SCN1B: variants seen among roughly 807,000 people sequenced by gnomAD.
SCN1B encodes the protein sodium channel regulatory subunit beta-1.
Under a neutral mutation model 25.7 loss-of-function variants are expected in SCN1B, and 11 were observed. That is an observed-to-expected ratio of 0.43 (90% confidence interval 0.27 to 0.71). The LOEUF is 0.71. SCN1B is among the 30% of genes least tolerant of loss of function. The pLI is 0.21. For synonymous variants in SCN1B, 119 were observed against 117.5 expected (o/e 1.01, Z -0.08); for missense variants, 224 against 291.5 (o/e 0.77, Z 1.69).
chr19:35,030,866 TGCGCGGGGG>T lies in SCN1B; in HGVS notation c.40+12_40+20del. On this transcript the variant is annotated splice_region_variant and intron_variant, in intron 1 of 5. Transcript: ENST00000262631. ...AGTGGTCGGCGCGGCACTGGGTGAG[TGCGCGGGGG>T]GCGCGCGCGGCCGGGGGGCACCGCG... The T allele has an allele frequency of 1.3e-6, 1 of 775,486 alleles. No homozygotes were observed. The highest frequency in any genetic ancestry group is 1.6e-6 in the Non-Finnish European group (1 of 611,174). 48.0% of individuals were successfully genotyped at this position (775,486 alleles called of 1,614,324 possible).
chr19:35,036,228 G>C (rs2064247036), intron 3 of SCN1B: 1 of 151,478 alleles, frequency 6.6e-6, no homozygotes, highest in African/African-American at 2.4e-5. Flanking sequence ...CACCATGGCG[G>C]GTATTTTTAT....
At chr19:35,039,426 C>T in intron 4 of SCN1B, 168 bp downstream of exon 4, 2 of 1,054,302 alleles carry the variant, frequency 1.9e-6, no homozygotes, top group Non-Finnish European at 2.8e-6. Context: ...TAGGGGTCGT[C>T]AGACCCAGCC....
intron 1 of SCN1B, chr19:35,031,499 G>A (rs1042162934): frequency 1.3e-5 from 2 of 152,266 alleles, no homozygotes; most frequent in African/African-American, 4.8e-5. Context: ...CTTGCATGGA[G>A]TTTGAAAAGG....
rs946024438 is a variant in SCN1B, at chr19:35,034,072, C to T, written c.448+333C>T. 1.9e-5 allele frequency: 29 copies of T among 1,551,220 alleles called. No homozygotes were observed. Among genetic ancestry groups the T allele is most frequent in the Admixed American group, 7.8e-5 (4 of 50,980 alleles). On this transcript the variant is annotated intron_variant, in intron 3 of 5. Coordinates refer to ENST00000262631, the MANE Select transcript of SCN1B (RefSeq NM_001037.5). ...CCTGGGCTTGCCCGGGATAATAATCCGATGTGTTTCTCGGGGTGTGGTTTG... is the reference window on the plus strand; with the variant it reads ...CCTGGGCTTGCCCGGGATAATAATCTGATGTGTTTCTCGGGGTGTGGTTTG...
At chr19:35,035,905 G>A (rs1268273356) in intron 3 of SCN1B, 4 of 151,478 alleles carry the variant, frequency 2.6e-5, no homozygotes, top group African/African-American at 9.7e-5. Context: ...GTCTTGCTCT[G>A]TTGCCCAGGC....
chr19:35,033,277 G>A (rs961899074), intron 2 of SCN1B, among the ~76,000 whole-genome samples: 2 of 152,176 alleles, frequency 1.3e-5, no homozygotes, highest in African/African-American at 4.8e-5. Context: ...GAACGTGTGT[G>A]TGCTCGTGTG....
At position 35,039,610 on chromosome 19, in the gene SCN1B, T is replaced by C. The variant is rs28365107; in HGVS notation, c.591-25T>C. The stretch of plus-strand genomic sequence containing the variant: ...TGGGTCGGTCTGATGATGGGGTCAC[T>C]GTATACCTGGCCTTTCCCCCACAGC... On this transcript the variant is annotated intron_variant, in intron 4 of 5. Coordinates refer to ENST00000262631, the MANE Select transcript of SCN1B (RefSeq NM_001037.5). 3.1e-6 allele frequency: 5 copies of C among 1,613,486 alleles called. No homozygotes were observed. The African/African-American group carries it at 5.3e-5, about 17-fold the overall frequency.
chr19:35,039,355 C>G, intron 4 of SCN1B, 97 bp downstream of exon 4: 1 of 1,535,794 alleles, frequency 6.5e-7, no homozygotes, highest in South Asian at 1.1e-5. Context: ...GGCAGCGGAG[C>G]GGCCCAGGGC....
rs2064275233 is a variant in SCN1B at position 35,039,860 on chromosome 19, C to G, written c.*69C>G. On this transcript the variant is annotated 3_prime_UTR_variant, in exon 6 of 6. Transcript: ENST00000262631. ...GGGACTCTCCAGGCACCGCCTGCCCCCAGCGTGGGGGTGGCCACTCCTGGG... is the reference window on the plus strand; with the variant it reads ...GGGACTCTCCAGGCACCGCCTGCCCGCAGCGTGGGGGTGGCCACTCCTGGG... 9.1e-6 allele frequency: 7 copies of G among 772,460 alleles called. No individual in the cohort carries two copies. The highest frequency in any genetic ancestry group is 2.3e-5 in the Admixed American group (1 of 43,940). The allele number at this position is 772,460 out of a possible 1,614,324, so 47.9% of individuals were successfully genotyped here. A position where few individuals can be genotyped will look rare whatever the true frequency, so the allele number is the denominator to read the frequency against.
chr19:35,038,620 G>C (rs2064262611), intron 3 of SCN1B: 1 of 220,274 alleles, frequency 4.5e-6, no homozygotes, highest in South Asian at 6.4e-5. Flanking sequence ...TAACCATTAG[G>C]CTTTATAGCC....
intron 3 of SCN1B, chr19:35,035,122 T>A (rs2064239833): frequency 6.6e-6 from 1 of 152,126 alleles, no homozygotes; most frequent in Admixed American, 6.6e-5. Context: ...AAAACCTGTG[T>A]TATTGCTCTT....
Position 35,032,675 on chromosome 19 carries a change from G to T in SCN1B, c.188G>T (p.Gly63Val). ...TFTEWTFRQK[G>V]TEEFVKILRY... ...ACCGAGTGGACCTTCCGCCAGAAGG[G>T]CACTGAGGAGTTTGTCAAGGTGTGC... Residue 63 changes from glycine to valine, a missense_variant, in exon 2 of 6, where the codon GGC becomes GTC. Gly to Val is a moderately radical substitution (Grantham distance 109). Around this residue, in one of 3 missense-constraint regions of SCN1B, gnomAD observed 126 missense variants for 204.9 expected, o/e 0.61. Coordinates refer to ENST00000262631, the MANE Select transcript of SCN1B (RefSeq NM_001037.5). This position sits in a 1 kb window ranked among gnomAD's most constrained non-coding sequence, Gnocchi z 4.3. The T allele has an allele frequency of 6.2e-7, 1 of 1,614,038 alleles. No homozygotes were observed. The highest frequency in any genetic ancestry group is 8.5e-7 in the Non-Finnish European group (1 of 1,180,034).
intron 3 of SCN1B, chr19:35,037,384 T>C (rs1376182827): frequency 1.3e-5 from 2 of 152,332 alleles, no homozygotes; most frequent in East Asian, 3.9e-4. Context: ...GAGTCGCGGC[T>C]GGCCTTCAGA....
chr19:35,032,427 T>C lies in SCN1B; in HGVS notation c.41-101T>C, dbSNP rs2064219509. On this transcript the variant is annotated intron_variant, in intron 1 of 5. Coordinates refer to ENST00000262631, the MANE Select transcript of SCN1B (RefSeq NM_001037.5). The surrounding 1 kb of genome is among the most constrained non-coding windows in gnomAD (Gnocchi z 4.3). ...GCTCAGCCTAGCATCCAGTCCTGTCTGCTGGTAATCATTGAGGGGGGAACA... is the reference window on the plus strand; with the variant it reads ...GCTCAGCCTAGCATCCAGTCCTGTCCGCTGGTAATCATTGAGGGGGGAACA... The C allele has an allele frequency of 7.1e-7, 1 of 1,403,842 alleles. No homozygotes were observed. Among genetic ancestry groups the C allele is most frequent in the African/African-American group, 1.4e-5 (1 of 70,968 alleles). 87.0% of individuals were successfully genotyped at this position (1,403,842 alleles called of 1,614,324 possible).
chr19:35,032,500 G>C lies in SCN1B; in HGVS notation c.41-28G>C. ...ATTGCTTAGGGCAATGGGTGCCTCT[G>C]CCTGACCTGAGCCTGCTGTCCCCAC... On this transcript the variant is annotated intron_variant, in intron 1 of 5. Transcript: ENST00000262631. This position sits in a 1 kb window ranked among gnomAD's most constrained non-coding sequence, Gnocchi z 4.3. 6.2e-7 allele frequency: 1 copy of C among 1,612,312 alleles called. No individual in the cohort carries two copies. The highest frequency in any genetic ancestry group is 8.5e-7 in the Non-Finnish European group (1 of 1,180,010).
In SCN1B at chr19:35,030,793, A is replaced by AG; in HGVS notation, c.-22dup. On this transcript the variant is annotated 5_prime_UTR_variant, in exon 1 of 6. Coordinates refer to ENST00000262631, the MANE Select transcript of SCN1B (RefSeq NM_001037.5). ...CCGCTATTAATACCGGCGGCCCGGGAGGGGGGCGCAGCACGCGCCGCGCAG... is the reference window on the plus strand; with the variant it reads ...CCGCTATTAATACCGGCGGCCCGGGAGGGGGGGCGCAGCACGCGCCGCGCAG... The AG allele has an allele frequency of 1.4e-5, 14 of 987,898 alleles. No homozygotes were observed. Among genetic ancestry groups the AG allele is most frequent in the South Asian group, 4.1e-5 (2 of 48,920 alleles). The allele number at this position is 987,898 out of a possible 1,614,324, so 61.2% of individuals were successfully genotyped here.
At position 35,039,982 on chromosome 19, in the gene SCN1B, G is replaced by A. The variant is rs1018183150; in HGVS notation, c.*191G>A. 3.9e-6 allele frequency: 2 copies of A among 511,634 alleles called. No homozygotes were observed. The highest frequency in any genetic ancestry group is 7.1e-6 in the Non-Finnish European group (2 of 280,882). The allele number at this position is 511,634 out of a possible 1,614,324, so 31.7% of individuals were successfully genotyped here. ...CCCACTTTCGCCTCCTCCAGCTCCTGCCCCGCCGGCCGCGCACCGCCATGC... is the reference window on the plus strand; with the variant it reads ...CCCACTTTCGCCTCCTCCAGCTCCTACCCCGCCGGCCGCGCACCGCCATGC... On this transcript the variant is annotated 3_prime_UTR_variant, in exon 6 of 6. Coordinates refer to ENST00000262631, the MANE Select transcript of SCN1B (RefSeq NM_001037.5).
chr19:35,033,553 G>A lies in SCN1B; in HGVS notation c.262G>A (p.Gly88Ser). Residue 88 changes from glycine (G) to serine (S), a missense_variant, in exon 3 of 6, where the codon GGC becomes AGC. Gly to Ser is a moderately conservative substitution (Grantham distance 56, BLOSUM62 0). Coordinates refer to ENST00000262631, the MANE Select transcript of SCN1B (RefSeq NM_001037.5). ...GCTGGAGGAGGATGAGCGCTTCGAGGGCCGCGTGGTGTGGAATGGCAGCCG... is the reference window on the plus strand; with the variant it reads ...GCTGGAGGAGGATGAGCGCTTCGAGAGCCGCGTGGTGTGGAATGGCAGCCG... ...LQLEEDERFEGRVVWNGSRGT... is the reference protein window; with the variant it reads ...LQLEEDERFESRVVWNGSRGT... 1 of 1,614,020 alleles carries A rather than the reference G, an allele frequency of 6.2e-7. No homozygotes were observed. Among genetic ancestry groups the A allele is most frequent in the African/African-American group, 1.3e-5 (1 of 74,994 alleles).
At chr19:35,034,266 A>G (rs2064234978) in intron 3 of SCN1B, 2 of 1,229,732 alleles carry the variant, frequency 1.6e-6, no homozygotes, top group Non-Finnish European at 2.2e-6. Context: ...CACCTAGAGC[A>G]GAGTTCCGCA....
Sources: allele counts gnomAD v4.1 joint callset (sites outside exome capture counted in the v4.1 genomes callset), GRCh38; gene constraint gnomAD v4.1.1; regional missense constraint gnomAD v4.1.1; non-coding constraint Gnocchi (gnomAD v3.1); transcripts MANE v1.5; gene names NCBI Gene and HGNC (gene_info 2026-07-23, HGNC 2026-07-21).